Variants in NFATC2 observed in about 807,000 individuals in gnomAD.
NFATC2 encodes the protein nuclear factor of activated T-cells, cytoplasmic 2.
NFATC2 carries 22 observed loss-of-function variants against 87.3 expected under a neutral mutation model. The ratio of observed to expected loss-of-function variants is 0.25; its 90% confidence interval spans 0.18 to 0.36. The LOEUF is 0.36. NFATC2 is among the 10% of genes least tolerant of loss of function. The pLI, the probability that NFATC2 is intolerant of heterozygous loss-of-function variation, is 1.00. For missense variants in NFATC2, 1,149 were observed against 1,259.1 expected (o/e 0.91, Z 1.32); for synonymous variants, 565 against 542.2 (o/e 1.04, Z -0.58).
intron 9 of NFATC2, among the ~76,000 whole-genome samples, chr20:51,417,389 C>T (rs1217328200): frequency 1.3e-5 from 2 of 152,130 alleles, no homozygotes; most frequent in East Asian, 3.9e-4. Context: ...ATGACGCCGC[C>T]GTCATTACTC....
intron 9 of NFATC2, among the ~76,000 whole-genome samples, chr20:51,426,718 A>C (rs964455882): frequency 2.2e-4 from 33 of 152,174 alleles, no homozygotes; most frequent in African/African-American, 7.7e-4. Context: ...GTTTGTATAA[A>C]AAGGCAACAT....
intron 3 of NFATC2, among the ~76,000 whole-genome samples, chr20:51,492,324 C>A (rs1022874155): frequency 5.3e-5 from 8 of 151,974 alleles, no homozygotes; most frequent in African/African-American, 1.9e-4. Context: ...AGCCCCCCAG[C>A]TTCTAGAAAA....
At chr20:51,520,117 G>A (rs1360320753) in intron 2 of NFATC2, among the ~76,000 whole-genome samples, 1 of 152,104 alleles carries the variant, frequency 6.6e-6, no homozygotes, top group African/African-American at 2.4e-5. Context: ...TACTTGTGAG[G>A]AACTAAAGGA....
intron 5 of NFATC2, among the ~76,000 whole-genome samples, chr20:51,466,754 A>G (rs1987723898): frequency 6.6e-6 from 1 of 152,176 alleles, no homozygotes; most frequent in Non-Finnish European, 1.5e-5. Flanking sequence ...GCTTCATCAA[A>G]ATAAAATATG....
chr20:51,456,790 T>C (rs1022531607), intron 5 of NFATC2, among the ~76,000 whole-genome samples: 12 of 152,238 alleles, frequency 7.9e-5, no homozygotes, highest in African/African-American at 2.6e-4. Context: ...TTCTAACCCT[T>C]CCCTCCTGCC....
chr20:51,475,321 C>T (rs917038854), intron 4 of NFATC2, 137 bp downstream of exon 4: 5 of 817,242 alleles, frequency 6.1e-6, no homozygotes, highest in Non-Finnish European at 8.1e-6. Flanking sequence ...CACAACGGGT[C>T]GATGGATCAC....
chr20:51,424,436 C>T (rs1184342127), intron 9 of NFATC2, among the ~76,000 whole-genome samples: 1 of 152,206 alleles, frequency 6.6e-6, no homozygotes, highest in Non-Finnish European at 1.5e-5. Flanking sequence ...TGATCAGCAA[C>T]TACTGAACCC....
chr20:51,495,544 C>T lies in NFATC2; in HGVS notation c.1333-19884G>A, dbSNP rs6126241. Among the ~76,000 whole-genome samples the T allele has an allele frequency of 1.4e-3, 215 of 152,306 alleles. 5 individuals carry two copies. In the East Asian group the frequency reaches 0.033, roughly 24 times the overall value. On this transcript the variant is annotated intron_variant, in intron 3 of 10. Transcript: ENST00000371564. ...TGTGAGTACAGACAGATCATCTGTCCTCTCTGGGGAACTGTCTTATCCAGT... is the reference window on the plus strand; with the variant it reads ...TGTGAGTACAGACAGATCATCTGTCTTCTCTGGGGAACTGTCTTATCCAGT...
intron 2 of NFATC2, among the ~76,000 whole-genome samples, chr20:51,520,595 G>T (rs2076428554): frequency 6.6e-6 from 1 of 151,398 alleles, no homozygotes; most frequent in South Asian, 2.1e-4. Flanking sequence ...AGGAAGGAAA[G>T]AAAAAGGGAA....
intron 1 of NFATC2, among the ~76,000 whole-genome samples, chr20:51,540,901 T>C (rs2076806519): frequency 6.6e-6 from 1 of 152,134 alleles, no homozygotes; most frequent in Non-Finnish European, 1.5e-5. Flanking sequence ...TTAATCTTAA[T>C]GAACAGAAAG....
At chr20:51,494,833 C>G (rs752101973) in intron 3 of NFATC2, among the ~76,000 whole-genome samples, 7 of 152,172 alleles carry the variant, frequency 4.6e-5, no homozygotes, top group African/African-American at 1.7e-4. Context: ...ACCCTGGGCT[C>G]CAGCTCTGAG....
Position 51,388,087 on chromosome 20 carries a change from G to T in NFATC2, c.*3409C>A, listed in dbSNP as rs754293170. 1.3e-5 allele frequency: 2 copies of T among 152,098 alleles called. No homozygotes were observed. The highest frequency in any genetic ancestry group is 4.8e-5 in the African/African-American group (2 of 41,410). The allele number at this position is 152,098 out of a possible 1,614,324, so 9.4% of individuals were successfully genotyped here. A position where few individuals can be genotyped will look rare whatever the true frequency, so the allele number is the denominator to read the frequency against. ...TTATATCTATGCTGGAAAACTGTGG[G>T]TGTCCTTTGGATAAAGCATACAGGA... On this transcript the variant is annotated 3_prime_UTR_variant, in exon 11 of 11. Coordinates refer to ENST00000371564, the MANE Select transcript of NFATC2 (RefSeq NM_012340.5).
At chr20:51,490,078 C>T (rs964438931) in intron 3 of NFATC2, among the ~76,000 whole-genome samples, 4 of 152,056 alleles carry the variant, frequency 2.6e-5, no homozygotes, top group Non-Finnish European at 5.9e-5. Flanking sequence ...ACAAAAAGGG[C>T]CATGCTGGGG....
chr20:51,400,019 AAC>A (rs2146234434), intron 9 of NFATC2, among the ~76,000 whole-genome samples: 1 of 152,092 alleles, frequency 6.6e-6, no homozygotes, highest in Non-Finnish European at 1.5e-5. Flanking sequence ...CATGATGGGA[AAC>A]ACACATTCTC....
intron 9 of NFATC2, among the ~76,000 whole-genome samples, chr20:51,400,995 TCAA>T (rs1987974273): frequency 6.6e-6 from 1 of 151,892 alleles, no homozygotes; most frequent in African/African-American, 2.4e-5. Context: ...CATAAGCACT[TCAA>T]CAGTGCCTCT....
In NFATC2 at chr20:51,524,262, C is replaced by T; in HGVS notation, c.131-152G>A. On this transcript the variant is annotated intron_variant, in intron 1 of 10. Transcript: ENST00000371564. The surrounding 1 kb of genome is among the most constrained non-coding windows in gnomAD (Gnocchi z 4.0). ...CCAAGCTAGAAGCTCCGTCCCTCACCAGAAGAAAACTGAGGCCACTTTGTC... is the reference window on the plus strand; with the variant it reads ...CCAAGCTAGAAGCTCCGTCCCTCACTAGAAGAAAACTGAGGCCACTTTGTC... The T allele has an allele frequency of 1.5e-6, 1 of 677,338 alleles. No homozygotes were observed. The highest frequency in any genetic ancestry group is 4.8e-5 in the South Asian group (1 of 20,840). 42.0% of individuals were successfully genotyped at this position (677,338 alleles called of 1,614,324 possible). A position where few individuals can be genotyped will look rare whatever the true frequency, so the allele number is the denominator to read the frequency against.
intron 6 of NFATC2, among the ~76,000 whole-genome samples, chr20:51,449,574 C>T (rs919609582): frequency 3.3e-5 from 5 of 152,154 alleles, no homozygotes; most frequent in South Asian, 4.1e-4. Flanking sequence ...GGATCTCTAT[C>T]GCCACAAAAT....
upstream of NFATC2, among the ~76,000 whole-genome samples, chr20:51,547,220 A>G (rs2076896814): frequency 6.6e-6 from 1 of 152,146 alleles, no homozygotes; most frequent in South Asian, 2.1e-4. Flanking sequence ...CCGTCCAGGA[A>G]AGAGATAATG....
At chr20:51,427,082 C>A (rs374023244) in intron 9 of NFATC2, among the ~76,000 whole-genome samples, 2 of 152,046 alleles carry the variant, frequency 1.3e-5, no homozygotes, top group Non-Finnish European at 1.5e-5. Flanking sequence ...GTTTCCAGAA[C>A]GGGGTAAAAC....
Sources: gnomAD v4.1 joint callset for allele counts (sites outside exome capture counted in the v4.1 genomes callset) on GRCh38, gnomAD v4.1.1 for gene constraint, Gnocchi (gnomAD v3.1) non-coding constraint, MANE v1.5 for transcripts, NCBI Gene and HGNC (gene_info 2026-07-23, HGNC 2026-07-21) for gene names.